The following TAX1BP1 variants were observed in gnomAD, a reference collection of about 807,000 sequenced individuals.
The protein encoded by TAX1BP1 is tax1-binding protein 1.
In TAX1BP1, 62 loss-of-function variants were observed where a neutral mutation model predicts 97.7. The ratio of observed to expected loss-of-function variants is 0.63; its 90% CI spans 0.52 to 0.78. The LOEUF is 0.78. Among genes scored for constraint, TAX1BP1 ranks in the 30% least tolerant of loss-of-function variants. TAX1BP1 has a pLI of 0.00. For synonymous variants in TAX1BP1, 340 were observed against 304.2 expected (o/e 1.12, Z -1.23); for missense variants, 867 against 916.1 (o/e 0.95, Z 0.69).
intron 10 of TAX1BP1, among the ~76,000 whole-genome samples, chr7:27,793,925 G>A (rs548755294): frequency 6.6e-6 from 1 of 152,276 alleles, no homozygotes; most frequent in East Asian, 1.9e-4. Flanking sequence ...TAAATCAGAG[G>A]AGACAAGCAA....
chr7:27,764,505 A>T (rs1261563479), intron 3 of TAX1BP1, among the ~76,000 whole-genome samples: 1 of 152,152 alleles, frequency 6.6e-6, no homozygotes, highest in Non-Finnish European at 1.5e-5. Flanking sequence ...CATACATCTT[A>T]TTACTGGTTA....
At chr7:27,770,511 A>T (rs1328214745) in intron 5 of TAX1BP1, among the ~76,000 whole-genome samples, 1 of 152,104 alleles carries the variant, frequency 6.6e-6, no homozygotes, top group African/African-American at 2.4e-5. Context: ...TATATATTAC[A>T]GTCTCATGTA....
chr7:27,749,203 G>C (rs541173501), intron 2 of TAX1BP1, among the ~76,000 whole-genome samples: 1 of 152,090 alleles, frequency 6.6e-6, no homozygotes, highest in Non-Finnish European at 1.5e-5. Flanking sequence ...AGGAGTTCTA[G>C]TTCTTATATT....
At chr7:27,816,543 G>A (rs1348518013) in intron 14 of TAX1BP1, 23 bp downstream of exon 14, 1 of 1,505,682 alleles carries the variant, frequency 6.6e-7, no homozygotes, top group Non-Finnish European at 8.8e-7. Context: ...TTTTTGGTTT[G>A]GGATTAGCTG....
In TAX1BP1 at chr7:27,765,932, GCTT is replaced by G. The variant is rs758747800; in HGVS notation, c.370_372del (p.Ser124del). ...AGCAAGTACACCTTTCCAGTTTCGA[GCTT>G]CTTCTCCAGTTGAAGAGCTGCTTAC... On this transcript the variant is annotated inframe_deletion, in exon 4 of 17. Transcript: ENST00000396319. 3.1e-6 allele frequency: 5 copies of G among 1,614,172 alleles called. No homozygotes were observed. The highest frequency in any genetic ancestry group is 1.1e-5 in the South Asian group (1 of 91,076).
At chr7:27,742,698 C>T (rs1279635769) in intron 1 of TAX1BP1, among the ~76,000 whole-genome samples, 4 of 152,238 alleles carry the variant, frequency 2.6e-5, no homozygotes, top group South Asian at 4.2e-4. Context: ...GAACTCCTGA[C>T]CTCTTGATCC....
chr7:27,772,017 A>T lies in TAX1BP1; in HGVS notation c.612+2183A>T, dbSNP rs528623248. 3 of 152,240 alleles carry T rather than the reference A, an allele frequency of 2.0e-5. No homozygotes were observed. The East Asian group carries it at 5.8e-4, about 29-fold the overall frequency. 9.4% of individuals were successfully genotyped at this position (152,240 alleles called of 1,614,324 possible). A position where few individuals can be genotyped will look rare whatever the true frequency, so the allele number is the denominator to read the frequency against. Reference sequence around the variant, plus strand: ...AGCATTTCCCTCAGATTCTAAAAGTATAATGGATACATAATGTAACCAAAA... The same window carrying T: ...AGCATTTCCCTCAGATTCTAAAAGTTTAATGGATACATAATGTAACCAAAA... On this transcript the variant is annotated intron_variant, in intron 5 of 16. Coordinates refer to ENST00000396319, the MANE Select transcript of TAX1BP1 (RefSeq NM_006024.7).
chr7:27,757,888 C>T, intron 2 of TAX1BP1, 143 bp from the exon 3 acceptor site: 1 of 487,182 alleles, frequency 2.1e-6, no homozygotes, highest in Non-Finnish European at 3.6e-6. Flanking sequence ...AATAATTTGA[C>T]ATGCTTGTTA....
Position 27,787,518 on chromosome 7 carries a change from T to G in TAX1BP1, c.953T>G (p.Phe318Cys). ...DGNKESVITH[F>C]KEEIGRLQLC... ...AACAAAGAAAGCGTGATTACTCATT[T>G]CAAAGAAGAGATTGGCAGGCTGCAG... Residue 318 changes from phenylalanine to cysteine, a missense_variant, in exon 8 of 17, where the codon TTC (phenylalanine) becomes TGC (cysteine). Around this residue, in one of 3 missense-constraint regions of TAX1BP1, gnomAD observed 822 missense variants for 851.4 expected, o/e 0.97. Coordinates refer to ENST00000396319, the MANE Select transcript of TAX1BP1 (RefSeq NM_006024.7). 6.2e-7 allele frequency: 1 copy of G among 1,613,806 alleles called. No homozygotes were observed. The highest frequency in any genetic ancestry group is 2.2e-5 in the East Asian group (1 of 44,824).
At chr7:27,798,894 G>GTT (rs1277001307) in intron 12 of TAX1BP1, among the ~76,000 whole-genome samples, 1 of 136,080 alleles carries the variant, frequency 7.3e-6, no homozygotes, top group Non-Finnish European at 1.6e-5. Context: ...CTTGAGTTGT[G>GTT]TTTTTTTTTT....
rs546417549 is a variant in TAX1BP1, at chr7:27,816,577, T to C, written c.1936+57T>C. The C allele has an allele frequency of 1.7e-4, 235 of 1,399,508 alleles. No individual in the cohort carries two copies. In the African/African-American group the frequency reaches 3.3e-3, roughly 20 times the overall value. 86.7% of individuals were successfully genotyped at this position (1,399,508 alleles called of 1,614,324 possible). ...TGCATCTGGAGATTTTTTTATGGTTTATATTTTCATGGATTAGCAAACTGC... is the reference window on the plus strand; with the variant it reads ...TGCATCTGGAGATTTTTTTATGGTTCATATTTTCATGGATTAGCAAACTGC... On this transcript the variant is annotated intron_variant, in intron 14 of 16. Coordinates refer to ENST00000396319, the MANE Select transcript of TAX1BP1 (RefSeq NM_006024.7).
At chr7:27,793,360 T>C (rs1331563738) in intron 10 of TAX1BP1, 148 bp downstream of exon 10, 6 of 771,366 alleles carry the variant, frequency 7.8e-6, no homozygotes, top group Non-Finnish European at 1.1e-5. Context: ...GTAATAACTC[T>C]TCTTTAAAAA....
rs781388276 is a variant in TAX1BP1, at chr7:27,828,630, T to C, written c.2171T>C (p.Phe724Ser). Residue 724 changes from phenylalanine (F) to serine (S), a missense_variant and splice_region_variant, in exon 17 of 17, where the codon TTT becomes TCT. Phe to Ser is a radical substitution (Grantham distance 155, BLOSUM62 -2). Transcript: ENST00000396319. Reference protein sequence around the residue: ...HGTGFCFDSSFDVHKKCPLCE... With the variant: ...HGTGFCFDSSSDVHKKCPLCE... ...ATTCTTTCATTTTTCTCTTTAAGCT[T>C]TGATGTTCACAAGAAGTGTCCCCTC... The C allele has an allele frequency of 3.7e-6, 6 of 1,613,666 alleles. No homozygotes were observed. The African/African-American group carries it at 5.3e-5, about 14-fold the overall frequency.
intron 1 of TAX1BP1, among the ~76,000 whole-genome samples, chr7:27,748,269 T>C (rs1324735709): frequency 2.6e-5 from 4 of 152,202 alleles, no homozygotes; most frequent in African/African-American, 4.8e-5. Context: ...TAATTTTTGG[T>C]TTTGGTTTTT....
chr7:27,779,025 C>T (rs1041978613), intron 5 of TAX1BP1, among the ~76,000 whole-genome samples: 1 of 152,026 alleles, frequency 6.6e-6, no homozygotes, highest in Non-Finnish European at 1.5e-5. Context: ...CCCTAGGTAA[C>T]CTTGAGTCTA....
intron 5 of TAX1BP1, among the ~76,000 whole-genome samples, chr7:27,782,213 CTT>C (rs1280974942): frequency 6.6e-6 from 1 of 151,714 alleles, no homozygotes; most frequent in Non-Finnish European, 1.5e-5. Flanking sequence ...ATTTTAAAAA[CTT>C]TTTGTTTTCT....
chr7:27,750,164 G>A (rs575016299), intron 2 of TAX1BP1, among the ~76,000 whole-genome samples: 3 of 152,142 alleles, frequency 2.0e-5, no homozygotes, highest in Non-Finnish European at 4.4e-5. Context: ...GATGTTTTCT[G>A]TAGTAACAGA....
In TAX1BP1 at chr7:27,792,159, A is replaced by G; in HGVS notation, c.1192A>G (p.Asn398Asp). The change falls in exon 9 of 17, where the codon AAC becomes GAC. Residue 398 changes from asparagine to aspartate, a missense_variant. Coordinates refer to ENST00000396319, the MANE Select transcript of TAX1BP1 (RefSeq NM_006024.7). The part of the protein sequence containing the change: ...MADLHTARLE[N>D]EKVKKQLADA... Reference sequence around the variant, plus strand: ...AGACCTGCATACTGCACGCTTGGAAAACGAGAAAGTGAAAAAGCAGTTAGC... The same window carrying G: ...AGACCTGCATACTGCACGCTTGGAAGACGAGAAAGTGAAAAAGCAGTTAGC... 6.2e-7 allele frequency: 1 copy of G among 1,613,982 alleles called. No homozygotes were observed. The highest frequency in any genetic ancestry group is 1.1e-5 in the South Asian group (1 of 91,086).
chr7:27,811,471 A>G (rs1790557408), intron 13 of TAX1BP1, among the ~76,000 whole-genome samples: 1 of 152,160 alleles, frequency 6.6e-6, no homozygotes, highest in African/African-American at 2.4e-5. Flanking sequence ...AAAATGTGTT[A>G]ACTTAGACAC....
Sources: gnomAD v4.1 joint callset for allele counts (sites outside exome capture counted in the v4.1 genomes callset) on GRCh38, gnomAD v4.1.1 for gene constraint, gnomAD v4.1.1 regional missense constraint, MANE v1.5 for transcripts, NCBI Gene and HGNC (gene_info 2026-07-23, HGNC 2026-07-21) for gene names.